ABCG1: variants seen among roughly 807,000 people sequenced by gnomAD.
The protein encoded by ABCG1 is ATP-binding cassette sub-family G member 1.
A neutral mutation model predicts 69.2 loss-of-function variants in ABCG1; 29 were observed. The observed-to-expected ratio is 0.42, with a 90% CI of 0.31 to 0.57. The LOEUF (loss-of-function observed/expected upper bound fraction) is 0.57. Among genes scored for constraint, ABCG1 ranks in the 20% least tolerant of loss-of-function variants. ABCG1 has a pLI of 0.15. For synonymous variants in ABCG1, 370 were observed against 374.8 expected (o/e 0.99, Z 0.15); for missense variants, 718 against 898.1 (o/e 0.80, Z 2.56).
At position 42,205,021 on chromosome 21, in the gene ABCG1, T is replaced by G. The variant is rs184050285; in HGVS notation, c.48+3298T>G. On this transcript the variant is annotated intron_variant, in intron 2 of 15. Transcript: ENST00000398457. The stretch of plus-strand genomic sequence containing the variant: ...AGAATTAGGTGTTGTTTTTGTTGTT[T>G]TTTTTTTTTTGAGTTTTCAAAACTA... Among the ~76,000 whole-genome samples, 1,451 of 151,716 alleles carry G rather than the reference T, an allele frequency of 9.6e-3. 7 individuals carry two copies. The highest frequency in any genetic ancestry group is 0.017 in the African/African-American group (706 of 41,420).
intron 13 of ABCG1, among the ~76,000 whole-genome samples, chr21:42,292,570 C>T (rs951073633): frequency 6.6e-6 from 1 of 151,894 alleles, no homozygotes. Context: ...ACACGGCACA[C>T]ATGCACACAC....
intron 2 of ABCG1, among the ~76,000 whole-genome samples, chr21:42,207,634 G>A (rs2067553525): frequency 6.6e-6 from 1 of 152,200 alleles, no homozygotes; most frequent in African/African-American, 2.4e-5. Flanking sequence ...GGGGACGGGG[G>A]CACGGCACTG....
rs1269478908 is a variant in ABCG1, at chr21:42,282,328, G to A, written c.643G>A (p.Gly215Arg). ...GCTGTCTTGCGCCAACACGCGGACC[G>A]GGAGCCTGTCAGGTGGTCAGCGCAA... ...GLLSCANTRT[G>R]SLSGGQRKRL... is the part of the protein sequence containing the mutation. The change falls in exon 6 of 15, where the codon GGG becomes AGG. Residue 215 changes from glycine to arginine, a missense_variant. Coordinates refer to ENST00000398449, the MANE Select transcript of ABCG1 (RefSeq NM_016818.3). 7.4e-6 allele frequency: 12 copies of A among 1,613,422 alleles called. No individual in the cohort carries two copies. Among genetic ancestry groups the A allele is most frequent in the African/African-American group, 2.7e-5 (2 of 74,946 alleles).
chr21:42,282,522 G>A (rs2068831709), intron 6 of ABCG1, 103 bp downstream of exon 6: 1 of 1,387,770 alleles, frequency 7.2e-7, no homozygotes, highest in Non-Finnish European at 9.6e-7. Context: ...CCTCAGAGGG[G>A]GTGAGTTGAG....
chr21:42,278,026 C>T (rs565512949), intron 5 of ABCG1, among the ~76,000 whole-genome samples: 48 of 152,082 alleles, frequency 3.2e-4, no homozygotes, highest in Non-Finnish European at 5.6e-4. Flanking sequence ...GTGAAATGCC[C>T]GGTGCAGGTG....
intron 2 of ABCG1, among the ~76,000 whole-genome samples, chr21:42,234,988 G>C (rs1325089097): frequency 6.6e-6 from 1 of 152,110 alleles, no homozygotes; most frequent in Admixed American, 6.5e-5. Flanking sequence ...TGCCAAGCGC[G>C]AGGAGGCAGC....
At chr21:42,256,250 A>G (rs200484195) in intron 2 of ABCG1, 1 of 1,484,304 alleles carries the variant, frequency 6.7e-7, no homozygotes, top group Non-Finnish European at 9.0e-7. Context: ...AGTGCAACAG[A>G]CAGAACACTT....
At chr21:42,220,646 C>T (rs1012384285) in intron 1 of ABCG1, among the ~76,000 whole-genome samples, 2 of 152,378 alleles carry the variant, frequency 1.3e-5, no homozygotes, top group East Asian at 3.9e-4. Flanking sequence ...GGCTGCCCTG[C>T]CTTCCCTGCG....
chr21:42,212,466 T>A (rs956271493), upstream of ABCG1, among the ~76,000 whole-genome samples: 2 of 151,772 alleles, frequency 1.3e-5, no homozygotes, highest in African/African-American at 4.8e-5. Context: ...TGTTGAGGTG[T>A]CAGACAGAAA....
Position 42,296,243 on chromosome 21 carries a change from C to T in ABCG1, c.1852C>T (p.His618Tyr). Residue 618 changes from histidine to tyrosine, a missense_variant, in exon 15 of 15, where the codon CAC (histidine) becomes TAC (tyrosine). By Grantham distance (83) the His-to-Tyr change is moderately conservative (BLOSUM62 2). Transcript: ENST00000398449. The surrounding 1 kb of genome is among the most constrained non-coding windows in gnomAD (Gnocchi z 5.4). ...GCACTGTGACATCGACGAGACGTGC[C>T]ACTTCCAGAAGTCGGAGGCCATCCT... is the stretch of plus-strand genomic sequence containing the variant. The part of the protein sequence containing the change: ...DLHCDIDETC[H>Y]FQKSEAILRE... 6.2e-7 allele frequency: 1 copy of T among 1,614,128 alleles called. No homozygotes were observed. The highest frequency in any genetic ancestry group is 1.1e-5 in the South Asian group (1 of 91,068).
At chr21:42,255,214 T>C (rs1019876897) in intron 2 of ABCG1, among the ~76,000 whole-genome samples, 1 of 152,242 alleles carries the variant, frequency 6.6e-6, no homozygotes, top group African/African-American at 2.4e-5. Context: ...GCTAGTGATC[T>C]GATGAACTAG....
chr21:42,210,183 C>G (rs8131925), intron 2 of ABCG1, among the ~76,000 whole-genome samples: 2,746 of 152,288 alleles, frequency 0.018, 82 homozygotes, highest in African/African-American at 0.062. Flanking sequence ...GAAGTCCCTG[C>G]GAGAACTCTG....
intron 5 of ABCG1, 66 bp from the exon 6 acceptor site, chr21:42,282,208 A>G: frequency 6.4e-7 from 1 of 1,566,502 alleles, no homozygotes; most frequent in Non-Finnish European, 8.7e-7. Flanking sequence ...GTCTTCCTGC[A>G]TGGGCCATGG....
intron 2 of ABCG1, 54 bp downstream of exon 2, chr21:42,225,968 C>A (rs2067811313): frequency 1.3e-6 from 2 of 1,582,622 alleles, no homozygotes; most frequent in Admixed American, 1.8e-5. Flanking sequence ...CTGAAGGAGG[C>A]AACAGGTTGT....
rs1451036976 is a variant in ABCG1 at position 42,287,850 on chromosome 21, C to T, written c.974-39C>T. 1.3e-6 allele frequency: 2 copies of T among 1,517,808 alleles called. No individual in the cohort carries two copies. The highest frequency in any genetic ancestry group is 1.8e-6 in the Non-Finnish European group (2 of 1,131,162). The allele number at this position is 1,517,808 out of a possible 1,614,324, so 94.0% of individuals were successfully genotyped here. ...GCATTTGGGTGGTTGGGGTGTCCTT[C>T]CTGGAGCCCGGGCTGACCCCCGTCT... is the stretch of plus-strand genomic sequence containing the variant. On this transcript the variant is annotated intron_variant, in intron 8 of 14. Coordinates refer to ENST00000398449, the MANE Select transcript of ABCG1 (RefSeq NM_016818.3). The surrounding 1 kb of genome is among the most constrained non-coding windows in gnomAD (Gnocchi z 6.2).
Position 42,201,871 on chromosome 21 carries a change from G to A in ABCG1, c.48+148G>A, listed in dbSNP as rs141729419. Reference sequence around the variant, plus strand: ...GCTCCTGCGGTGTAGTTTGGTGAGGGGCCAGCCCGAGGCAAACTGGGGACC... The same window carrying A: ...GCTCCTGCGGTGTAGTTTGGTGAGGAGCCAGCCCGAGGCAAACTGGGGACC... On this transcript the variant is annotated intron_variant, in intron 2 of 15. Coordinates refer to the ABCG1 transcript ENST00000398457. 3.3e-6 allele frequency: 5 copies of A among 1,525,830 alleles called. No individual in the cohort carries two copies. In the East Asian group the frequency reaches 7.1e-5, roughly 22 times the overall value. The allele number at this position is 1,525,830 out of a possible 1,614,324, so 94.5% of individuals were successfully genotyped here. A position where few individuals can be genotyped will look rare whatever the true frequency, so the allele number is the denominator to read the frequency against.
At chr21:42,248,712 A>C (rs1379596662) in intron 2 of ABCG1, among the ~76,000 whole-genome samples, 2 of 151,652 alleles carry the variant, frequency 1.3e-5, no homozygotes, top group Admixed American at 1.3e-4. Context: ...ACATGGCGAA[A>C]CCCTGCCTCT....
chr21:42,241,008 C>T (rs73905589), intron 2 of ABCG1, among the ~76,000 whole-genome samples: 137 of 152,388 alleles, frequency 9.0e-4, no homozygotes, highest in African/African-American at 3.2e-3. Context: ...TGGGCAGACC[C>T]TCTGAAGGAA....
chr21:42,224,385 A>C (rs958099891), intron 1 of ABCG1, among the ~76,000 whole-genome samples: 1 of 152,136 alleles, frequency 6.6e-6, no homozygotes. Context: ...GCTCCCTTGG[A>C]GTCTGCATCT....
Sources: allele counts gnomAD v4.1 joint callset (sites outside exome capture counted in the v4.1 genomes callset), GRCh38; gene constraint gnomAD v4.1.1; non-coding constraint Gnocchi (gnomAD v3.1); transcripts MANE v1.5; gene names NCBI Gene and HGNC (gene_info 2026-07-23, HGNC 2026-07-21).